Variants in KLHL29 observed in about 807,000 individuals in gnomAD.
The protein encoded by KLHL29 is kelch like family member 29, also known as kelch-like protein 29.
KLHL29 carries 21 observed loss-of-function variants against 80.4 expected under a neutral mutation model. The ratio of observed to expected loss-of-function variants is 0.26; its 90% CI spans 0.19 to 0.38. The LOEUF (loss-of-function observed/expected upper bound fraction) is 0.38. KLHL29 is among the 10% of genes least tolerant of loss of function. KLHL29 has a pLI of 1.00. For synonymous variants in KLHL29, 511 were observed against 526.8 expected (o/e 0.97, Z 0.41); for missense variants, 867 against 1,223.9 (o/e 0.71, Z 4.35).
intron 1 of KLHL29, among the ~76,000 whole-genome samples, chr2:23,429,439 A>G: frequency 6.6e-6 from 1 of 152,206 alleles, no homozygotes; most frequent in East Asian, 1.9e-4. Context: ...TTTCAAAGTA[A>G]CATAATTGCC....
At chr2:23,421,200 T>C (rs1662791413) in intron 1 of KLHL29, among the ~76,000 whole-genome samples, 1 of 152,240 alleles carries the variant, frequency 6.6e-6, no homozygotes, top group Admixed American at 6.5e-5. Flanking sequence ...CCTGCAGTCC[T>C]CCTGGTCTGT....
intron 1 of KLHL29, among the ~76,000 whole-genome samples, chr2:23,407,099 AT>A (rs1420436837): frequency 2.0e-5 from 3 of 152,274 alleles, no homozygotes; most frequent in African/African-American, 7.2e-5. Context: ...GTTTCATTAT[AT>A]TCTGTTATAT....
intron 3 of KLHL29, among the ~76,000 whole-genome samples, chr2:23,612,616 C>T (rs753309972): frequency 6.6e-6 from 1 of 152,094 alleles, no homozygotes; most frequent in Non-Finnish European, 1.5e-5. Context: ...GTGGTGAACG[C>T]CTGTAATCCC....
At chr2:23,539,101 C>T (rs1350040797) in intron 2 of KLHL29, among the ~76,000 whole-genome samples, 5 of 152,160 alleles carry the variant, frequency 3.3e-5, no homozygotes, top group South Asian at 2.1e-4. Flanking sequence ...AACTGCCAAA[C>T]TCTAAAATTT....
chr2:23,442,852 TGACA>T (rs1160348574), intron 1 of KLHL29, among the ~76,000 whole-genome samples: 3 of 152,206 alleles, frequency 2.0e-5, no homozygotes, highest in Non-Finnish European at 4.4e-5. Flanking sequence ...GGCAGACATT[TGACA>T]GACCAGAATC....
chr2:23,409,079 G>A (rs532540526), intron 1 of KLHL29, among the ~76,000 whole-genome samples: 5 of 152,266 alleles, frequency 3.3e-5, no homozygotes, highest in Admixed American at 1.3e-4. Flanking sequence ...GCCTGTTGTT[G>A]TTGAGCTTGG....
chr2:23,663,430 G>T (rs755649111), intron 5 of KLHL29, among the ~76,000 whole-genome samples: 55 of 152,250 alleles, frequency 3.6e-4, no homozygotes, highest in Non-Finnish European at 6.3e-4. Context: ...CCGCGGCTCC[G>T]CCGTCACGTG....
intron 3 of KLHL29, among the ~76,000 whole-genome samples, chr2:23,636,682 C>T (rs1449828019): frequency 2.0e-5 from 3 of 152,204 alleles, no homozygotes; most frequent in Non-Finnish European, 4.4e-5. Context: ...CAGTGCCCGA[C>T]ACAGACATAC....
At chr2:23,624,780 A>C (rs548588661) in intron 3 of KLHL29, among the ~76,000 whole-genome samples, 31 of 152,228 alleles carry the variant, frequency 2.0e-4, no homozygotes, top group African/African-American at 7.0e-4. Flanking sequence ...ATATTCCTGC[A>C]TTCTCGGGTC....
intron 1 of KLHL29, among the ~76,000 whole-genome samples, chr2:23,458,308 AAAGT>A (rs1286858838): frequency 6.6e-6 from 1 of 152,250 alleles, no homozygotes; most frequent in Non-Finnish European, 1.5e-5. Flanking sequence ...CTGTTTCTAT[AAAGT>A]AAGTATTTTA....
intron 3 of KLHL29, among the ~76,000 whole-genome samples, chr2:23,633,368 A>T (rs1464511735): frequency 6.6e-6 from 1 of 152,252 alleles, no homozygotes; most frequent in Non-Finnish European, 1.5e-5. Context: ...GAACACAAAG[A>T]GATGCATGTA....
At chr2:23,588,397 C>T (rs1668170918) in intron 3 of KLHL29, among the ~76,000 whole-genome samples, 1 of 152,206 alleles carries the variant, frequency 6.6e-6, no homozygotes, top group African/African-American at 2.4e-5. Flanking sequence ...TCCCCACCCA[C>T]CTTCAGCCTC....
intron 1 of KLHL29, among the ~76,000 whole-genome samples, chr2:23,430,588 A>C (rs1275817932): frequency 2.6e-5 from 4 of 152,210 alleles, no homozygotes; most frequent in African/African-American, 9.7e-5. Flanking sequence ...TGAGATCATT[A>C]CATCAGTGCC....
chr2:23,512,715 C>T lies in KLHL29; in HGVS notation c.-46+37048C>T, dbSNP rs1166691821. ...TATATAGCTCAGTGATTTTTCTGCT[C>T]TCTGCTCCAAGCTAAGAACAGAGAG... On this transcript the variant is annotated intron_variant, in intron 2 of 13. Coordinates refer to ENST00000486442, the MANE Select transcript of KLHL29 (RefSeq NM_052920.2). Among the ~76,000 whole-genome samples the T allele has an allele frequency of 2.0e-5, 3 of 152,206 alleles. No individual in the cohort carries two copies. In the South Asian group the frequency reaches 6.2e-4, roughly 32 times the overall value.
intron 6 of KLHL29, 109 bp from the exon 7 acceptor site, chr2:23,691,565 C>A: frequency 1.2e-6 from 1 of 847,596 alleles, no homozygotes; most frequent in Non-Finnish European, 1.9e-6. Context: ...GTCCTTTGAG[C>A]CCTAAAACCA....
intron 2 of KLHL29, among the ~76,000 whole-genome samples, chr2:23,496,141 C>G (rs1265903646): frequency 6.6e-6 from 1 of 152,178 alleles, no homozygotes; most frequent in East Asian, 1.9e-4. Flanking sequence ...CACTGGGTTC[C>G]AAAGAGGACT....
intron 5 of KLHL29, among the ~76,000 whole-genome samples, chr2:23,683,041 G>T (rs72796112): frequency 0.019 from 2,855 of 152,350 alleles, 33 homozygotes; most frequent in Middle Eastern, 0.037. Context: ...TGGCAATCAG[G>T]GAGCAGAAGC....
In KLHL29 at chr2:23,680,736, CCCTGGGGTCTCTAGGCCATCTTCT is replaced by C. The variant is rs1558436934; in HGVS notation, c.941-3594_941-3571del. Among the ~76,000 whole-genome samples the C allele has an allele frequency of 3.2e-3, 467 of 144,454 alleles. 6 individuals are homozygous for C. The highest frequency in any genetic ancestry group is 0.011 in the Middle Eastern group (3 of 278). 94.8% of individuals were successfully genotyped at this position (144,454 alleles called of 152,430 possible). A position where few individuals can be genotyped will look rare whatever the true frequency, so the allele number is the denominator to read the frequency against. On this transcript the variant is annotated intron_variant, in intron 5 of 13. Transcript: ENST00000486442. The surrounding 1 kb of genome is among the most constrained non-coding windows in gnomAD (Gnocchi z 4.1). ...CCCCTGGGGTCTCTAGGCCATCTTCCCCTGGGGTCTCTAGGCCATCTTCTCCTGGGGTCTCTAGGCCATCTTCTC... is the reference window on the plus strand; with the variant it reads ...CCCCTGGGGTCTCTAGGCCATCTTCCCCTGGGGTCTCTAGGCCATCTTCTC...
chr2:23,609,011 C>G (rs568495693), intron 3 of KLHL29, among the ~76,000 whole-genome samples: 8 of 152,166 alleles, frequency 5.3e-5, no homozygotes, highest in Non-Finnish European at 1.0e-4. Flanking sequence ...AGAGCTCATT[C>G]GAGAAGATTC....
Sources: gnomAD v4.1 joint callset for allele counts (sites outside exome capture counted in the v4.1 genomes callset) on GRCh38, gnomAD v4.1.1 for gene constraint, Gnocchi (gnomAD v3.1) non-coding constraint, MANE v1.5 for transcripts, NCBI Gene and HGNC (gene_info 2026-07-23, HGNC 2026-07-21) for gene names.